CLNK: variants seen among roughly 807,000 people sequenced by gnomAD.
CLNK encodes cytokine dependent hematopoietic cell linker, also known as cytokine-dependent hematopoietic cell linker.
In CLNK, 74 loss-of-function variants were observed where a neutral mutation model predicts 68.6. The ratio of observed to expected loss-of-function variants is 1.08; its 90% CI spans 0.89 to 1.31. The LOEUF (loss-of-function observed/expected upper bound fraction) is 1.31, where lower values mean the gene tolerates loss of function less well. Ranked by LOEUF, CLNK falls within the 50% of genes most tolerant of loss-of-function variation. CLNK has a pLI of 0.00. For synonymous variants in CLNK, 198 were observed against 172.2 expected, an observed-to-expected ratio of 1.15 and a Z score of -1.17; for missense variants, 553 against 515.3, an observed-to-expected ratio of 1.07 and a Z score of -0.71.
chr4:10,505,030 A>G (rs921332241), intron 17 of CLNK, among the ~76,000 whole-genome samples: 3 of 152,204 alleles, frequency 2.0e-5, no homozygotes, highest in South Asian at 2.1e-4. Flanking sequence ...TTCCAGCACA[A>G]TCCACACATG....
At chr4:10,730,301 C>A in the CLNK span, among the ~76,000 whole-genome samples, 2 of 152,272 alleles carry the variant, frequency 1.3e-5, no homozygotes, top group East Asian at 3.9e-4. Context: ...TACCAGCATG[C>A]CCTCAACTCT....
intron 2 of CLNK, among the ~76,000 whole-genome samples, chr4:10,611,704 G>A (rs761079638): frequency 4.6e-5 from 7 of 152,126 alleles, no homozygotes; most frequent in Non-Finnish European, 4.4e-5. Flanking sequence ...AGAAGACAGA[G>A]TGAGGCCCAA....
chr4:10,709,292 T>A, the CLNK span, among the ~76,000 whole-genome samples: 7 of 152,196 alleles, frequency 4.6e-5, no homozygotes, highest in African/African-American at 1.7e-4. Flanking sequence ...CCAATAACTA[T>A]CCTTTTCAAG....
chr4:10,632,592 A>G (rs1168108693), intron 2 of CLNK, among the ~76,000 whole-genome samples: 1 of 152,228 alleles, frequency 6.6e-6, no homozygotes, highest in Non-Finnish European at 1.5e-5. Flanking sequence ...CCCTAGGTCT[A>G]GCCTAGTGCC....
the CLNK span, among the ~76,000 whole-genome samples, chr4:10,717,367 G>A: frequency 6.6e-5 from 10 of 152,246 alleles, no homozygotes; most frequent in East Asian, 1.9e-4. Flanking sequence ...AGGCCGAGGC[G>A]GACAGATCAC....
chr4:10,510,321 ATC>A (rs1466191319), intron 16 of CLNK, among the ~76,000 whole-genome samples: 2 of 152,136 alleles, frequency 1.3e-5, no homozygotes, highest in Non-Finnish European at 2.9e-5. Flanking sequence ...TGTCGTTAAT[ATC>A]TCTCTGCCAT....
chr4:10,595,311 G>A (rs762077078), intron 3 of CLNK, among the ~76,000 whole-genome samples: 3 of 152,142 alleles, frequency 2.0e-5, no homozygotes, highest in Non-Finnish European at 2.9e-5. Context: ...GTGCATATTG[G>A]GTGCTCAGTT....
chr4:10,658,695 G>GGCAGGAA (rs1193539474), intron 2 of CLNK, among the ~76,000 whole-genome samples: 1 of 152,196 alleles, frequency 6.6e-6, no homozygotes. Context: ...GGCTTCTAAA[G>GGCAGGAA]GCAGGAAGCA....
the CLNK span, among the ~76,000 whole-genome samples, chr4:10,734,425 A>G: frequency 6.6e-6 from 1 of 152,184 alleles, no homozygotes; most frequent in African/African-American, 2.4e-5. Context: ...CCTCTTCTTT[A>G]TCAGAGAATT....
At chr4:10,570,201 GGGAAGTCTT>G (rs1361083755) in intron 5 of CLNK, among the ~76,000 whole-genome samples, 3 of 152,142 alleles carry the variant, frequency 2.0e-5, no homozygotes, top group African/African-American at 4.8e-5. Context: ...AGCCTCTTGG[GGGAAGTCTT>G]GGACCTGCTG....
chr4:10,705,903 TG>T, the CLNK span, among the ~76,000 whole-genome samples: 1 of 152,242 alleles, frequency 6.6e-6, no homozygotes, highest in Non-Finnish European at 1.5e-5. Flanking sequence ...TGTAAGACAC[TG>T]GACTAATTTG....
At chr4:10,500,588 G>T (rs1476408421) in intron 18 of CLNK, among the ~76,000 whole-genome samples, 3 of 151,792 alleles carry the variant, frequency 2.0e-5, no homozygotes, top group Non-Finnish European at 2.9e-5. Context: ...GCTGAGGCAG[G>T]AGAATCACTT....
At chr4:10,554,943 C>T (rs527492778) in intron 8 of CLNK, among the ~76,000 whole-genome samples, 1 of 152,356 alleles carries the variant, frequency 6.6e-6, no homozygotes, top group Admixed American at 6.5e-5. Flanking sequence ...ACCCTGGCAA[C>T]ATTACCATAG....
chr4:10,598,048 C>T lies in CLNK; in HGVS notation c.13G>A (p.Gly5Ser), dbSNP rs755910013. Residue 5 changes from glycine (G) to serine (S), a missense_variant and splice_region_variant, in exon 3 of 19, where the codon GGC (glycine) becomes AGC (serine). Transcript: ENST00000226951. The stretch of plus-strand genomic sequence containing the variant: ...CCTTCTTTAGTTGTCTTTCTATTGC[C>T]CCTGGGATGAAAGAAAATAAATTAT... MNRQ[G>S]NRKTTKEGSN... 2.4e-5 allele frequency: 37 copies of T among 1,571,392 alleles called. No homozygotes were observed. Among genetic ancestry groups the T allele is most frequent in the Non-Finnish European group, 2.9e-5 (33 of 1,155,162 alleles).
intron 2 of CLNK, chr4:10,635,798 A>G (rs1723062935): frequency 6.6e-6 from 1 of 152,224 alleles, no homozygotes; most frequent in African/African-American, 2.4e-5. Context: ...TTACATGGCT[A>G]GGAGATGGCA....
chr4:10,691,680 A>T, the CLNK span, among the ~76,000 whole-genome samples: 1 of 152,184 alleles, frequency 6.6e-6, no homozygotes, highest in East Asian at 1.9e-4. Context: ...GTATTTTTAA[A>T]TCATGCTGGC....
intron 3 of CLNK, among the ~76,000 whole-genome samples, chr4:10,591,944 T>A (rs1417807436): frequency 1.3e-5 from 2 of 152,310 alleles, no homozygotes; most frequent in East Asian, 3.9e-4. Flanking sequence ...GAAGGGGACC[T>A]GGGAAAAACA....
chr4:10,667,846 C>CCTTTTCCATTGGCGGCCACATTGGCAT lies in CLNK; in HGVS notation c.11+12_11+13insATGCCAATGTGGCCGCCAATGGAAAAG. On this transcript the variant is annotated intron_variant, in intron 2 of 18. Coordinates refer to ENST00000226951, the MANE Select transcript of CLNK (RefSeq NM_052964.4). ...AAGGGAACTGGGGCTCACAGTGATC[C>CCTTTTCCATTGGCGGCCACATTGGCAT]CACGGTACTTACTGCCTGTTCATAG... The CCTTTTCCATTGGCGGCCACATTGGCAT allele has an allele frequency of 6.3e-7, 1 of 1,582,638 alleles. No homozygotes were observed. The highest frequency in any genetic ancestry group is 1.2e-5 in the South Asian group (1 of 86,730).
the CLNK span, among the ~76,000 whole-genome samples, chr4:10,703,351 T>C: frequency 2.0e-5 from 3 of 152,198 alleles, no homozygotes; most frequent in Non-Finnish European, 2.9e-5. Flanking sequence ...TGACCAATAC[T>C]GAGTCAACTG....
Sources: allele counts gnomAD v4.1 joint callset (sites outside exome capture counted in the v4.1 genomes callset), GRCh38; gene constraint gnomAD v4.1.1; transcripts MANE v1.5; gene names NCBI Gene and HGNC (gene_info 2026-07-23, HGNC 2026-07-21).